ATP10B: variants seen among roughly 807,000 people sequenced by gnomAD.
ATP10B encodes phospholipid-transporting ATPase VB.
ATP10B carries 122 observed loss-of-function variants against 141.2 expected under a neutral mutation model. The observed-to-expected ratio is 0.86, with a 90% CI of 0.75 to 1.00. The LOEUF (loss-of-function observed/expected upper bound fraction) is 1.00. Among genes scored for constraint, ATP10B ranks in the 50% least tolerant of loss-of-function variants. ATP10B has a pLI of 0.00. For synonymous variants in ATP10B, 685 were observed against 692.0 expected (o/e 0.99, Z 0.16); for missense variants, 1,876 against 1,825.3 (o/e 1.03, Z -0.51).
At chr5:160,722,541 G>T (rs1766063384) in intron 2 of ATP10B, among the ~76,000 whole-genome samples, 2 of 152,130 alleles carry the variant, frequency 1.3e-5, no homozygotes, top group Middle Eastern at 6.8e-3. Flanking sequence ...CTGGCAGCAA[G>T]CATGTCAAAA....
chr5:160,821,721 A>G (rs1322089929), intron 1 of ATP10B, among the ~76,000 whole-genome samples: 1 of 152,028 alleles, frequency 6.6e-6, no homozygotes, highest in African/African-American at 2.4e-5. Context: ...ATAGTGAACT[A>G]AGTTTTGGGA....
At chr5:160,689,410 C>T (rs899559693) in intron 3 of ATP10B, among the ~76,000 whole-genome samples, 2 of 152,030 alleles carry the variant, frequency 1.3e-5, no homozygotes, top group African/African-American at 4.8e-5. Flanking sequence ...TAAAGGTATT[C>T]GAATAGGAAG....
chr5:160,892,781 G>T, the ATP10B span, among the ~76,000 whole-genome samples: 1 of 152,190 alleles, frequency 6.6e-6, no homozygotes, highest in Non-Finnish European at 1.5e-5. Flanking sequence ...AACAGATCCA[G>T]TGTGCAGCTC....
chr5:160,877,424 T>C, the ATP10B span, among the ~76,000 whole-genome samples: 1 of 140,350 alleles, frequency 7.1e-6, no homozygotes, highest in Non-Finnish European at 1.6e-5. Context: ...CCACAGCCAA[T>C]ATCATACTGA....
chr5:160,597,317 G>C (rs1032818164), intron 22 of ATP10B, among the ~76,000 whole-genome samples: 1 of 152,184 alleles, frequency 6.6e-6, no homozygotes, highest in Non-Finnish European at 1.5e-5. Flanking sequence ...TTTAATAAAT[G>C]GTGCTGGGAA....
At chr5:160,660,689 A>G (rs1369857209) in intron 7 of ATP10B, among the ~76,000 whole-genome samples, 3 of 152,226 alleles carry the variant, frequency 2.0e-5, no homozygotes, top group Admixed American at 1.3e-4. Flanking sequence ...ATGACTATTA[A>G]CAGTGAAAAA....
intron 2 of ATP10B, among the ~76,000 whole-genome samples, chr5:160,783,681 G>T (rs1770925582): frequency 6.6e-6 from 1 of 151,280 alleles, no homozygotes; most frequent in Non-Finnish European, 1.5e-5. Context: ...ATTGCAAATT[G>T]TGCTGCTATA....
chr5:160,689,835 T>C (rs915336617), intron 3 of ATP10B, among the ~76,000 whole-genome samples: 1 of 152,154 alleles, frequency 6.6e-6, no homozygotes, highest in Non-Finnish European at 1.5e-5. Flanking sequence ...TTGACTTTCT[T>C]CACAGAATTT....
chr5:160,859,946 G>A, the ATP10B span, among the ~76,000 whole-genome samples: 1 of 151,878 alleles, frequency 6.6e-6, no homozygotes, highest in Non-Finnish European at 1.5e-5. Context: ...AACTCTACTT[G>A]TTGCAGAAAT....
At chr5:160,630,618 A>T (rs1758867796) in intron 13 of ATP10B, among the ~76,000 whole-genome samples, 1 of 152,212 alleles carries the variant, frequency 6.6e-6, no homozygotes, top group South Asian at 2.1e-4. Flanking sequence ...TAACTCGGGG[A>T]AGTGCATTAC....
the ATP10B span, among the ~76,000 whole-genome samples, chr5:160,861,539 T>C: frequency 6.6e-6 from 1 of 151,950 alleles, no homozygotes; most frequent in Non-Finnish European, 1.5e-5. Flanking sequence ...TAATTTTTTG[T>C]TCAAATCAAT....
chr5:160,720,971 G>T (rs1765955781), intron 2 of ATP10B, among the ~76,000 whole-genome samples: 1 of 152,206 alleles, frequency 6.6e-6, no homozygotes, highest in South Asian at 2.1e-4. Flanking sequence ...ATTGGCATAA[G>T]AGTTGGTTGC....
the ATP10B span, among the ~76,000 whole-genome samples, chr5:160,857,612 A>G: frequency 4.0e-5 from 6 of 151,760 alleles, no homozygotes; most frequent in East Asian, 1.2e-3. Flanking sequence ...AGATTATTAG[A>G]GAAAATTTTC....
chr5:160,693,672 C>T (rs894900219), intron 3 of ATP10B, among the ~76,000 whole-genome samples: 6 of 152,094 alleles, frequency 3.9e-5, no homozygotes, highest in African/African-American at 1.4e-4. Flanking sequence ...ACAATTTTTC[C>T]ATGGACAGTG....
intron 7 of ATP10B, among the ~76,000 whole-genome samples, chr5:160,660,725 G>A (rs542604039): frequency 1.6e-4 from 25 of 152,278 alleles, no homozygotes; most frequent in Middle Eastern, 6.8e-3. Flanking sequence ...CCTTGAGATG[G>A]TAGCACACTG....
chr5:160,649,297 G>T, intron 7 of ATP10B, 41 bp from the exon 8 acceptor site: 2 of 1,449,858 alleles, frequency 1.4e-6, no homozygotes, highest in South Asian at 1.1e-5. Context: ...AATTCAGAGG[G>T]ATCTAGTTTT....
chr5:160,568,323 T>C (rs7704156), intron 25 of ATP10B, among the ~76,000 whole-genome samples: 20,340 of 152,008 alleles, frequency 0.13, 1,672 homozygotes, highest in African/African-American at 0.21. Flanking sequence ...GAACATAAAG[T>C]TAGAAGAGAA....
intron 1 of ATP10B, among the ~76,000 whole-genome samples, chr5:160,837,556 T>G (rs1775528314): frequency 6.6e-6 from 1 of 152,204 alleles, no homozygotes; most frequent in Admixed American, 6.6e-5. Context: ...AAAATATGAT[T>G]TTTTTCAGTA....
At chr5:160,789,851 G>T (rs1367635549) in intron 1 of ATP10B, among the ~76,000 whole-genome samples, 2 of 152,164 alleles carry the variant, frequency 1.3e-5, no homozygotes, top group South Asian at 4.1e-4. Context: ...GGAACCAAAG[G>T]AGGACTTAGG....
Sources: gnomAD v4.1 joint callset for allele counts (sites outside exome capture counted in the v4.1 genomes callset) on GRCh38, gnomAD v4.1.1 for gene constraint, MANE v1.5 for transcripts, NCBI Gene and HGNC (gene_info 2026-07-23, HGNC 2026-07-21) for gene names.